The following TRPC6 variants were observed in gnomAD, a reference collection of about 807,000 sequenced individuals.
The protein encoded by TRPC6 is short transient receptor potential channel 6.
In TRPC6, 55 loss-of-function variants were observed where a neutral mutation model predicts 90.7. The observed-to-expected ratio is 0.61, with a 90% CI of 0.49 to 0.76. The LOEUF is 0.76. Ranked by LOEUF, TRPC6 falls within the 30% of genes least tolerant of loss-of-function variation. TRPC6 has a pLI of 0.00. For synonymous variants in TRPC6, 393 were observed against 393.0 expected (o/e 1.00, Z 0.00); for missense variants, 989 against 1,122.7 (o/e 0.88, Z 1.70).
chr11:101,511,565 AAATAT>A (rs1301337661), intron 1 of TRPC6, among the ~76,000 whole-genome samples: 1 of 152,168 alleles, frequency 6.6e-6, no homozygotes, highest in Non-Finnish European at 1.5e-5. Flanking sequence ...GTTCTAGTGT[AAATAT>A]AATATTTTAT....
intron 1 of TRPC6, among the ~76,000 whole-genome samples, chr11:101,555,234 G>A (rs1223706170): frequency 2.6e-5 from 4 of 152,154 alleles, no homozygotes; most frequent in African/African-American, 9.7e-5. Context: ...GATGTTTTAG[G>A]CTTGGTGTCA....
intron 1 of TRPC6, among the ~76,000 whole-genome samples, chr11:101,544,900 G>C (rs1483670760): frequency 6.7e-6 from 1 of 150,340 alleles, no homozygotes; most frequent in Non-Finnish European, 1.5e-5. Context: ...TTTGTTCAGT[G>C]GTCTTCAAAT....
intron 1 of TRPC6, among the ~76,000 whole-genome samples, chr11:101,525,834 G>A (rs942272575): frequency 3.3e-5 from 5 of 152,170 alleles, no homozygotes; most frequent in Non-Finnish European, 5.9e-5. Context: ...ATCAGGGTCA[G>A]GAAGCAGGAT....
intron 10 of TRPC6, among the ~76,000 whole-genome samples, chr11:101,461,519 C>G (rs139125756): frequency 4.8e-4 from 73 of 152,168 alleles, no homozygotes; most frequent in Non-Finnish European, 9.0e-4. Context: ...CTGCAGCAAG[C>G]CATGATGGCA....
At chr11:101,479,190 G>A (rs982338993) in intron 5 of TRPC6, among the ~76,000 whole-genome samples, 11 of 152,302 alleles carry the variant, frequency 7.2e-5, no homozygotes, top group Admixed American at 2.6e-4. Flanking sequence ...TTGGCTGCAC[G>A]TGGCACCCAG....
intron 1 of TRPC6, among the ~76,000 whole-genome samples, chr11:101,565,540 C>G (rs1195946452): frequency 2.0e-5 from 3 of 151,962 alleles, no homozygotes; most frequent in African/African-American, 7.2e-5. Context: ...TTGCAACAGG[C>G]TGTTCTTTAA....
chr11:101,478,033 G>A lies in TRPC6; in HGVS notation c.1511-1499C>T, dbSNP rs551957631. ...CCATCAAGAAGTCCTTCACAGCCTC[G>A]AGTTGAAAATAATCTTCTCCTCTTA... On this transcript the variant is annotated intron_variant, in intron 5 of 12. Transcript: ENST00000344327. Among the ~76,000 whole-genome samples, 9 of 152,168 alleles carry A rather than the reference G, an allele frequency of 5.9e-5. No individual in the cohort carries two copies. In the East Asian group the frequency reaches 1.7e-3, roughly 29 times the overall value.
chr11:101,579,426 G>A (rs1276383332), intron 1 of TRPC6, among the ~76,000 whole-genome samples: 1 of 152,022 alleles, frequency 6.6e-6, no homozygotes, highest in African/African-American at 2.4e-5. Flanking sequence ...ACTCACTCAT[G>A]GTCGATTGAG....
chr11:101,530,062 G>A (rs1430073565), intron 1 of TRPC6, among the ~76,000 whole-genome samples: 2 of 152,140 alleles, frequency 1.3e-5, no homozygotes, highest in African/African-American at 2.4e-5. Flanking sequence ...GGCAGCAGAC[G>A]CTGAAGTACC....
intron 1 of TRPC6, among the ~76,000 whole-genome samples, chr11:101,543,848 C>G (rs575200739): frequency 2.0e-5 from 3 of 152,172 alleles, no homozygotes; most frequent in African/African-American, 7.2e-5. Flanking sequence ...ACTAAAACAC[C>G]AAAAGCAATG....
At chr11:101,455,340 C>A in intron 10 of TRPC6, 1 of 433,248 alleles carries the variant, frequency 2.3e-6, no homozygotes, top group Non-Finnish European at 4.2e-6. Flanking sequence ...GACTTTGTGG[C>A]TGCCAATCAC....
chr11:101,573,446 A>G (rs1323330874), intron 1 of TRPC6, among the ~76,000 whole-genome samples: 2 of 152,222 alleles, frequency 1.3e-5, no homozygotes, highest in Admixed American at 6.5e-5. Context: ...TGCATTTACA[A>G]GTAGAAATAA....
chr11:101,499,682 C>T (rs1243385197), intron 2 of TRPC6, among the ~76,000 whole-genome samples: 2 of 110,638 alleles, frequency 1.8e-5, no homozygotes, highest in African/African-American at 7.0e-5. Context: ...TATATATATA[C>T]ACAATATAAA....
chr11:101,583,701 A>G lies in TRPC6; in HGVS notation c.-198T>C, dbSNP rs567941840. On this transcript the variant is annotated 5_prime_UTR_variant, in exon 1 of 13. Transcript: ENST00000344327. Reference sequence around the variant, plus strand: ...CCCACTGGCCCGGGGAAAAGTCACCACTTAAGGGGGTGCAAAGAGGATCTT... The same window carrying G: ...CCCACTGGCCCGGGGAAAAGTCACCGCTTAAGGGGGTGCAAAGAGGATCTT... The G allele has an allele frequency of 1.9e-6, 1 of 527,672 alleles. No homozygotes were observed. The highest frequency in any genetic ancestry group is 2.0e-5 in the African/African-American group (1 of 49,732). The allele number at this position is 527,672 out of a possible 1,614,324, so 32.7% of individuals were successfully genotyped here.
chr11:101,520,244 G>A (rs1055242685), intron 1 of TRPC6, among the ~76,000 whole-genome samples: 9 of 151,900 alleles, frequency 5.9e-5, no homozygotes, highest in Non-Finnish European at 1.0e-4. Context: ...CTCACCTCCC[G>A]CTTCACCCTC....
intron 1 of TRPC6, among the ~76,000 whole-genome samples, chr11:101,557,308 C>T (rs1236565454): frequency 6.6e-6 from 1 of 152,124 alleles, no homozygotes; most frequent in Non-Finnish European, 1.5e-5. Flanking sequence ...TGATCCGAGA[C>T]TGTGCCACTG....
chr11:101,470,813 C>A (rs1035989016), intron 9 of TRPC6, among the ~76,000 whole-genome samples: 3 of 57,726 alleles, frequency 5.2e-5, no homozygotes, highest in East Asian at 4.0e-4. Context: ...CCCCGCCCCC[C>A]CCCCCTCCCC....
intron 1 of TRPC6, among the ~76,000 whole-genome samples, chr11:101,507,156 C>T (rs1423621737): frequency 4.0e-5 from 6 of 151,782 alleles, no homozygotes; most frequent in Non-Finnish European, 7.4e-5. Context: ...CTAATCATAG[C>T]TAAGTGGTAT....
At chr11:101,505,641 G>T (rs1860244464) in intron 1 of TRPC6, among the ~76,000 whole-genome samples, 1 of 151,950 alleles carries the variant, frequency 6.6e-6, no homozygotes, top group Admixed American at 6.6e-5. Context: ...AAGTTGTCAG[G>T]TAGGAAAAAA....
Sources: gnomAD v4.1 joint callset for allele counts (sites outside exome capture counted in the v4.1 genomes callset) on GRCh38, gnomAD v4.1.1 for gene constraint, MANE v1.5 for transcripts, NCBI Gene and HGNC (gene_info 2026-07-23, HGNC 2026-07-21) for gene names.